NTRK3: variants seen among roughly 807,000 people sequenced by gnomAD.
NTRK3 encodes the protein NT-3 growth factor receptor.
Under a neutral mutation model 91.7 loss-of-function variants are expected in NTRK3, and 24 were observed. The observed-to-expected ratio is 0.26, with a 90% confidence interval of 0.19 to 0.37. NTRK3 has a LOEUF of 0.37. Ranked by LOEUF, NTRK3 falls within the 10% of genes least tolerant of loss-of-function variation. NTRK3 has a pLI of 1.00. For synonymous variants in NTRK3, 483 were observed against 404.0 expected (o/e 1.20, Z -2.34); for missense variants, 880 against 1,068.9 (o/e 0.82, Z 2.46).
At chr15:87,980,312 A>G (rs759412000) in intron 14 of NTRK3, among the ~76,000 whole-genome samples, 2 of 151,978 alleles carry the variant, frequency 1.3e-5, no homozygotes, top group Non-Finnish European at 2.9e-5. Context: ...AAGTGTGTGT[A>G]AAGAGTGTGT....
At chr15:87,878,411 T>C (rs1283536752) in intron 18 of NTRK3, among the ~76,000 whole-genome samples, 1 of 152,204 alleles carries the variant, frequency 6.6e-6, no homozygotes, top group East Asian at 1.9e-4. Context: ...CGCCTGGTTA[T>C]ATTCACCCTG....
At chr15:88,062,368 C>T (rs147700880) in intron 13 of NTRK3, among the ~76,000 whole-genome samples, 120 of 152,348 alleles carry the variant, frequency 7.9e-4, no homozygotes, top group African/African-American at 2.8e-3. Flanking sequence ...TTGTTATTAG[C>T]TGAGCACATG....
intron 17 of NTRK3, among the ~76,000 whole-genome samples, chr15:87,919,353 C>T (rs2067685269): frequency 6.6e-6 from 1 of 152,164 alleles, no homozygotes. Flanking sequence ...AGGGAGAATT[C>T]ACAAAATAAC....
chr15:87,882,285 A>T (rs1417981319), intron 17 of NTRK3, among the ~76,000 whole-genome samples: 1 of 152,214 alleles, frequency 6.6e-6, no homozygotes, highest in Admixed American at 6.5e-5. Context: ...TCAGACAAGC[A>T]AAGACTCAGA....
chr15:87,926,929 A>T (rs949653783), intron 17 of NTRK3: 1 of 152,252 alleles, frequency 6.6e-6, no homozygotes, highest in African/African-American at 2.4e-5. Context: ...CCCATTAAAC[A>T]AAGTGGAAAG....
intron 14 of NTRK3, among the ~76,000 whole-genome samples, chr15:87,987,922 G>A (rs193016537): frequency 2.0e-4 from 31 of 151,930 alleles, no homozygotes; most frequent in Admixed American, 1.8e-3. Context: ...AAAGTACTAC[G>A]TTTAATAAAT....
intron 13 of NTRK3, among the ~76,000 whole-genome samples, chr15:88,099,668 A>G (rs558160142): frequency 6.6e-5 from 10 of 152,300 alleles, no homozygotes; most frequent in African/African-American, 1.9e-4. Flanking sequence ...GTCCTCAGAG[A>G]AGTCACTTGA....
At chr15:88,140,410 T>C (rs1370519097) in intron 6 of NTRK3, among the ~76,000 whole-genome samples, 1 of 152,242 alleles carries the variant, frequency 6.6e-6, no homozygotes, top group Non-Finnish European at 1.5e-5. Flanking sequence ...CGTGGCTACA[T>C]GCACCCAGAT....
chr15:88,034,001 C>T (rs1290969758), intron 13 of NTRK3, among the ~76,000 whole-genome samples: 1 of 151,982 alleles, frequency 6.6e-6, no homozygotes, highest in Non-Finnish European at 1.5e-5. Flanking sequence ...TGTGAGAGCT[C>T]CCCAGGTGAG....
At chr15:87,877,974 C>G (rs959829348) in intron 18 of NTRK3, among the ~76,000 whole-genome samples, 2 of 152,070 alleles carry the variant, frequency 1.3e-5, no homozygotes, top group Admixed American at 6.6e-5. Flanking sequence ...CCTGGCCAAC[C>G]CCAGCAGGCC....
intron 13 of NTRK3, among the ~76,000 whole-genome samples, chr15:88,034,448 C>T (rs1029821190): frequency 2.6e-5 from 4 of 152,152 alleles, no homozygotes; most frequent in South Asian, 2.1e-4. Context: ...TGTTTGGTGC[C>T]GTGGTTCTCC....
At chr15:88,173,834 A>C (rs1178488079) in intron 5 of NTRK3, among the ~76,000 whole-genome samples, 1 of 152,238 alleles carries the variant, frequency 6.6e-6, no homozygotes, top group Admixed American at 6.5e-5. Flanking sequence ...GAGGCAAGCA[A>C]CCTGGAGTTG....
At chr15:88,142,056 C>A (rs1421281829) in intron 6 of NTRK3, among the ~76,000 whole-genome samples, 1 of 152,072 alleles carries the variant, frequency 6.6e-6, no homozygotes, top group African/African-American at 2.4e-5. Flanking sequence ...AACAATGACA[C>A]CCTAGACAGC....
intron 13 of NTRK3, among the ~76,000 whole-genome samples, chr15:88,047,907 T>C (rs1002688809): frequency 6.6e-6 from 1 of 152,174 alleles, no homozygotes; most frequent in African/African-American, 2.4e-5. Flanking sequence ...TAGAATCAAC[T>C]GCTGTTTTGA....
At chr15:87,976,637 G>A (rs1470121520) in intron 14 of NTRK3, among the ~76,000 whole-genome samples, 1 of 152,160 alleles carries the variant, frequency 6.6e-6, no homozygotes, top group African/African-American at 2.4e-5. Flanking sequence ...GTCACTGCCA[G>A]GGTCCAAGGG....
At chr15:87,901,800 A>G (rs1196676534) in intron 17 of NTRK3, among the ~76,000 whole-genome samples, 1 of 152,006 alleles carries the variant, frequency 6.6e-6, no homozygotes, top group African/African-American at 2.4e-5. Flanking sequence ...AGAGGAAGGG[A>G]AAAAGGAGAG....
chr15:87,944,000 G>A (rs1339455554), intron 14 of NTRK3, among the ~76,000 whole-genome samples: 1 of 152,206 alleles, frequency 6.6e-6, no homozygotes, highest in African/African-American at 2.4e-5. Flanking sequence ...GAAATACTCA[G>A]GTGCTCAGAA....
At chr15:88,149,424 C>T (rs891201323) in intron 5 of NTRK3, among the ~76,000 whole-genome samples, 1 of 152,190 alleles carries the variant, frequency 6.6e-6, no homozygotes, top group Admixed American at 6.5e-5. Flanking sequence ...GTTTTTAAGC[C>T]TCTAGGATAG....
chr15:88,089,796 G>T (rs1316874705), intron 13 of NTRK3, among the ~76,000 whole-genome samples: 1 of 152,110 alleles, frequency 6.6e-6, no homozygotes, highest in Non-Finnish European at 1.5e-5. Flanking sequence ...CAGCCAGAGT[G>T]GCCCCTTCTA....
Sources: gnomAD v4.1 joint callset for allele counts (sites outside exome capture counted in the v4.1 genomes callset) on GRCh38, gnomAD v4.1.1 for gene constraint, MANE v1.5 for transcripts, NCBI Gene and HGNC (gene_info 2026-07-23, HGNC 2026-07-21) for gene names.